TAF4B: variants seen among roughly 807,000 people sequenced by gnomAD.
The protein encoded by TAF4B is TATA-box binding protein associated factor 4b, also known as transcription initiation factor TFIID subunit 4B.
In TAF4B, 38 loss-of-function variants were observed where a neutral mutation model predicts 86.4. That is an observed-to-expected ratio of 0.44 (90% CI 0.34 to 0.58). The LOEUF is 0.58. TAF4B is among the 20% of genes least tolerant of loss of function. The pLI, the probability that TAF4B is intolerant of heterozygous loss-of-function variation, is 0.02. For missense variants in TAF4B, 988 were observed against 1,027.6 expected, an observed-to-expected ratio of 0.96 and a Z score of 0.53; for synonymous variants, 388 against 391.2, an observed-to-expected ratio of 0.99 and a Z score of 0.10.
chr18:26,362,261 A>C (rs1411972322), intron 14 of TAF4B, among the ~76,000 whole-genome samples: 1 of 152,168 alleles, frequency 6.6e-6, no homozygotes, highest in African/African-American at 2.4e-5. Flanking sequence ...TTATGTTTTA[A>C]GGATTGGTTT....
intron 1 of TAF4B, among the ~76,000 whole-genome samples, chr18:26,244,586 CA>C (rs2055893675): frequency 6.6e-6 from 1 of 152,218 alleles, no homozygotes; most frequent in Non-Finnish European, 1.5e-5. Flanking sequence ...CACTGTCCAA[CA>C]AGTCCCAGTT....
At chr18:26,355,661 G>C (rs927895175) in intron 13 of TAF4B, among the ~76,000 whole-genome samples, 2 of 152,112 alleles carry the variant, frequency 1.3e-5, no homozygotes, top group Non-Finnish European at 1.5e-5. Context: ...CTACACATAG[G>C]GAATTTGAAG....
Position 26,274,829 on chromosome 18 carries a change from G to T in TAF4B, c.759+5G>T. The T allele has an allele frequency of 1.9e-6, 3 of 1,614,152 alleles. No homozygotes were observed. Among genetic ancestry groups the T allele is most frequent in the Non-Finnish European group, 2.5e-6 (3 of 1,180,026 alleles). Reference sequence around the variant, plus strand: ...GTTCAGATTAATCTTTCTCCGGTAAGCTCTTACTTGCACCTTACATAAATC... The same window carrying T: ...GTTCAGATTAATCTTTCTCCGGTAATCTCTTACTTGCACCTTACATAAATC... On this transcript the variant is annotated splice_donor_5th_base_variant and intron_variant, in intron 4 of 14. Transcript: ENST00000269142.
chr18:26,368,982 A>T (rs140012975), intron 14 of TAF4B, among the ~76,000 whole-genome samples: 2 of 152,214 alleles, frequency 1.3e-5, no homozygotes, highest in Non-Finnish European at 2.9e-5. Context: ...GAAAAATGGT[A>T]GTAAGGGTAT....
intron 14 of TAF4B, among the ~76,000 whole-genome samples, chr18:26,379,770 A>G (rs928997199): frequency 1.3e-5 from 2 of 152,094 alleles, no homozygotes; most frequent in Non-Finnish European, 2.9e-5. Flanking sequence ...CTATAGATCA[A>G]TTTGCAGAGA....
At chr18:26,344,374 AAAAAG>A (rs1246523909) in intron 13 of TAF4B, among the ~76,000 whole-genome samples, 5 of 151,726 alleles carry the variant, frequency 3.3e-5, no homozygotes, top group African/African-American at 9.7e-5. Flanking sequence ...TTTTTTAAAA[AAAAAG>A]GGAAAAAAAC....
At chr18:26,263,385 T>C (rs530247514) in intron 1 of TAF4B, among the ~76,000 whole-genome samples, 1 of 152,364 alleles carries the variant, frequency 6.6e-6, no homozygotes, top group South Asian at 2.1e-4. Context: ...ATTCCGTTGA[T>C]ACACGTTTCT....
chr18:26,381,099 C>T (rs1482220474), intron 14 of TAF4B, among the ~76,000 whole-genome samples: 2 of 152,060 alleles, frequency 1.3e-5, no homozygotes, highest in Admixed American at 6.5e-5. Flanking sequence ...ATTACAGCCT[C>T]GACCTCCCAG....
intron 1 of TAF4B, among the ~76,000 whole-genome samples, chr18:26,255,186 T>TA (rs200945838): frequency 1.4e-4 from 21 of 148,378 alleles, no homozygotes; most frequent in African/African-American, 3.2e-4. Flanking sequence ...AGAAGGGGAT[T>TA]AAAAAAAAAA....
intron 14 of TAF4B, among the ~76,000 whole-genome samples, chr18:26,379,164 T>C (rs984084737): frequency 6.6e-6 from 1 of 152,124 alleles, no homozygotes; most frequent in African/African-American, 2.4e-5. Flanking sequence ...AATGTACTTT[T>C]ATTTTCATAG....
intron 13 of TAF4B, among the ~76,000 whole-genome samples, chr18:26,336,466 A>G (rs770447955): frequency 2.0e-5 from 3 of 152,180 alleles, no homozygotes; most frequent in Non-Finnish European, 4.4e-5. Flanking sequence ...TTTCATTAAC[A>G]TAGAGAAGGA....
chr18:26,310,425 T>G (rs1676990), intron 9 of TAF4B, among the ~76,000 whole-genome samples: 54,026 of 151,998 alleles, frequency 0.36, 11,754 homozygotes, highest in East Asian at 0.81. Context: ...ACGCTACATT[T>G]GAGTTAATAA....
At chr18:26,362,515 GTTT>G (rs2057339632) in intron 14 of TAF4B, among the ~76,000 whole-genome samples, 1 of 152,090 alleles carries the variant, frequency 6.6e-6, no homozygotes, top group South Asian at 2.1e-4. Context: ...ATTTTTAGGT[GTTT>G]TTATTTATTA....
intron 12 of TAF4B, among the ~76,000 whole-genome samples, chr18:26,333,970 A>G (rs1200501986): frequency 4.6e-5 from 7 of 152,066 alleles, no homozygotes; most frequent in African/African-American, 7.2e-5. Context: ...AAATGTGCCC[A>G]TTTTATATTG....
chr18:26,367,087 A>G (rs1404740961), intron 14 of TAF4B, among the ~76,000 whole-genome samples: 5 of 152,328 alleles, frequency 3.3e-5, no homozygotes, highest in Middle Eastern at 3.4e-3. Flanking sequence ...TAAAAGCACT[A>G]TTCTATAATT....
In TAF4B at chr18:26,305,902, A is replaced by G. The variant is rs1012097876; in HGVS notation, c.1833-9327A>G. ...AGGTTAATTTGGGTGGTGGGGGCAG[A>G]GAATTGGCTTAAAGAATTTTCTTTT... On this transcript the variant is annotated intron_variant, in intron 9 of 14. Transcript: ENST00000269142. Among the ~76,000 whole-genome samples, 38 of 152,306 alleles carry G rather than the reference A, an allele frequency of 2.5e-4. No individual in the cohort carries two copies. The East Asian group carries it at 7.3e-3, about 29-fold the overall frequency.
chr18:26,285,947 G>A lies in TAF4B; in HGVS notation c.1038G>A (p.Gln346=), dbSNP rs753722616. 5 of 1,614,180 alleles carry A rather than the reference G, an allele frequency of 3.1e-6. No homozygotes were observed. The highest frequency in any genetic ancestry group is 2.5e-6 in the Non-Finnish European group (3 of 1,180,022). ...NSQSFIQQCV[Q]QTSSDMVIAT... is the part of the protein sequence containing the mutation. ...AGAGCTTCATCCAGCAATGTGTTCA[G>A]CAGACTTCTAGTGACATGGTCATTG... Residue 346 remains glutamine (Q), a synonymous_variant, in exon 7 of 15, where the codon CAG becomes CAA. Transcript: ENST00000269142.
At chr18:26,253,871 A>C (rs1161611041) in intron 1 of TAF4B, among the ~76,000 whole-genome samples, 1 of 151,878 alleles carries the variant, frequency 6.6e-6, no homozygotes, top group Non-Finnish European at 1.5e-5. Flanking sequence ...GTCTTCCCTT[A>C]TAATCCTTAT....
At chr18:26,364,196 C>G (rs546216161) in intron 14 of TAF4B, among the ~76,000 whole-genome samples, 55 of 152,196 alleles carry the variant, frequency 3.6e-4, no homozygotes, top group African/African-American at 1.3e-3. Flanking sequence ...GCTGCTATCT[C>G]CTTATGTTAT....
Sources: allele counts gnomAD v4.1 joint callset (sites outside exome capture counted in the v4.1 genomes callset), GRCh38; gene constraint gnomAD v4.1.1; transcripts MANE v1.5; gene names NCBI Gene and HGNC (gene_info 2026-07-23, HGNC 2026-07-21).